Variants in UNC13C observed in about 807,000 individuals in gnomAD.
UNC13C encodes protein unc-13 homolog C.
In UNC13C, 174 loss-of-function variants were observed where a neutral mutation model predicts 245.4. That is an observed-to-expected ratio of 0.71 (90% confidence interval 0.63 to 0.80). The LOEUF is 0.80. Among genes scored for constraint, UNC13C ranks in the 30% least tolerant of loss-of-function variants. The pLI, the probability that UNC13C is intolerant of heterozygous loss-of-function variation, is 0.00. For missense variants in UNC13C, 2,829 were observed against 2,602.9 expected (o/e 1.09, Z -1.89); for synonymous variants, 992 against 895.1 (o/e 1.11, Z -1.93).
rs71105809 is a variant in UNC13C at position 54,454,565 on chromosome 15, TGGG to T, written c.4933+39501_4933+39503del. On this transcript the variant is annotated intron_variant, in intron 19 of 32. Coordinates refer to ENST00000260323, the MANE Select transcript of UNC13C (RefSeq NM_001080534.3). Reference sequence around the variant, plus strand: ...TATACTCCAGCCCAGGCAACAATAGTGGGGGAAAAAAAAAAAACAACAATAACT... The same window carrying T: ...TATACTCCAGCCCAGGCAACAATAGTGGAAAAAAAAAAAACAACAATAACT... 2.0e-4 allele frequency among the ~76,000 whole-genome samples: 20 copies of T among 100,084 alleles called. No homozygotes were observed. In the South Asian group the frequency reaches 5.9e-3, roughly 30 times the overall value. The allele number at this position is 100,084 out of a possible 152,430, so 65.7% of individuals were successfully genotyped here. A position where few individuals can be genotyped will look rare whatever the true frequency, so the allele number is the denominator to read the frequency against.
chr15:53,894,444 T>C, the UNC13C span, among the ~76,000 whole-genome samples: 956 of 152,310 alleles, frequency 6.3e-3, 12 homozygotes, highest in African/African-American at 0.022. Context: ...CTGATTACTA[T>C]AGAGAAAGTG....
At chr15:54,153,064 C>G (rs886202618) in intron 4 of UNC13C, among the ~76,000 whole-genome samples, 1 of 151,832 alleles carries the variant, frequency 6.6e-6, no homozygotes, top group Non-Finnish European at 1.5e-5. Flanking sequence ...CTGCTATAAG[C>G]TTGTAAATAA....
intron 19 of UNC13C, among the ~76,000 whole-genome samples, chr15:54,483,205 A>T (rs1893223121): frequency 2.0e-5 from 3 of 152,144 alleles, no homozygotes; most frequent in African/African-American, 7.2e-5. Flanking sequence ...TTTTAAATTA[A>T]ATTTATCTTC....
At chr15:54,590,683 C>T (rs546551347) in intron 30 of UNC13C, among the ~76,000 whole-genome samples, 3 of 152,234 alleles carry the variant, frequency 2.0e-5, no homozygotes, top group South Asian at 2.1e-4. Flanking sequence ...CAGTTGTATG[C>T]GCTTTCTGGA....
chr15:54,104,226 G>T (rs920440011), intron 2 of UNC13C, among the ~76,000 whole-genome samples: 2 of 152,114 alleles, frequency 1.3e-5, no homozygotes, highest in East Asian at 3.9e-4. Flanking sequence ...GTCCTTAAAC[G>T]ATGCCTGGAT....
intron 1 of UNC13C, among the ~76,000 whole-genome samples, chr15:54,000,300 G>A (rs949922784): frequency 2.0e-5 from 3 of 152,016 alleles, no homozygotes; most frequent in African/African-American, 7.2e-5. Flanking sequence ...GTGCCCTTAA[G>A]CAAGTCAAGT....
intron 4 of UNC13C, among the ~76,000 whole-genome samples, chr15:54,231,595 A>T (rs1369147110): frequency 6.6e-6 from 1 of 152,136 alleles, no homozygotes; most frequent in African/African-American, 2.4e-5. Context: ...TAAAGTGCTT[A>T]GAATAATAAG....
At chr15:54,562,685 C>T (rs1349235554) in intron 29 of UNC13C, among the ~76,000 whole-genome samples, 2 of 152,016 alleles carry the variant, frequency 1.3e-5, no homozygotes, top group Non-Finnish European at 2.9e-5. Flanking sequence ...TATTCTGTTC[C>T]CTTTTCTGTG....
At chr15:54,544,279 T>C (rs1896385154) in intron 26 of UNC13C, among the ~76,000 whole-genome samples, 2 of 152,136 alleles carry the variant, frequency 1.3e-5, no homozygotes, top group Admixed American at 1.3e-4. Context: ...ATAAAATAGG[T>C]ATTGATGGAA....
chr15:54,234,404 T>G (rs1297982742), intron 4 of UNC13C, among the ~76,000 whole-genome samples: 1 of 152,196 alleles, frequency 6.6e-6, no homozygotes, highest in Non-Finnish European at 1.5e-5. Flanking sequence ...ATGCTATTGA[T>G]GAACATGTAA....
At chr15:54,301,530 C>T (rs1410939835) in intron 13 of UNC13C, among the ~76,000 whole-genome samples, 3 of 152,088 alleles carry the variant, frequency 2.0e-5, no homozygotes, top group Non-Finnish European at 4.4e-5. Flanking sequence ...TGAGTGAGAA[C>T]ATGCAGTGTT....
At chr15:54,321,783 A>C (rs989762543) in intron 13 of UNC13C, among the ~76,000 whole-genome samples, 156 bp from the exon 14 acceptor site, 4 of 152,036 alleles carry the variant, frequency 2.6e-5, no homozygotes, top group African/African-American at 4.8e-5. Context: ...AATTTTCAGA[A>C]GGCCAAAATT....
intron 18 of UNC13C, among the ~76,000 whole-genome samples, chr15:54,408,094 G>C (rs922053678): frequency 6.6e-6 from 1 of 150,458 alleles, no homozygotes; most frequent in Non-Finnish European, 1.5e-5. Flanking sequence ...CCAGCTACTC[G>C]GGAGGCTGAG....
the UNC13C span, among the ~76,000 whole-genome samples, chr15:53,958,188 A>G: frequency 6.6e-6 from 1 of 152,160 alleles, no homozygotes; most frequent in South Asian, 2.1e-4. Context: ...CCCTACCTAT[A>G]CCAATGTTCA....
chr15:54,367,545 C>T (rs1044119978), intron 17 of UNC13C, among the ~76,000 whole-genome samples: 2 of 152,106 alleles, frequency 1.3e-5, no homozygotes, highest in Admixed American at 1.3e-4. Flanking sequence ...TTGCCCCTGT[C>T]CATACACAGT....
intron 14 of UNC13C, among the ~76,000 whole-genome samples, chr15:54,322,557 T>C (rs1267763783): frequency 6.6e-6 from 1 of 151,974 alleles, no homozygotes; most frequent in Non-Finnish European, 1.5e-5. Context: ...AAACATGGCA[T>C]GTGTTTAAGG....
At chr15:54,203,851 T>TAC (rs2034618592) in intron 4 of UNC13C, among the ~76,000 whole-genome samples, 2 of 100,690 alleles carry the variant, frequency 2.0e-5, no homozygotes, top group East Asian at 3.4e-4. Context: ...CATATACACG[T>TAC]ATATATACAT....
intron 14 of UNC13C, among the ~76,000 whole-genome samples, chr15:54,329,979 T>C (rs898275728): frequency 2.6e-5 from 4 of 152,052 alleles, no homozygotes; most frequent in African/African-American, 9.7e-5. Context: ...TCAGAGCTGG[T>C]ATAGCTGCTC....
intron 19 of UNC13C, among the ~76,000 whole-genome samples, chr15:54,459,750 G>A (rs760171195): frequency 2.6e-4 from 39 of 151,110 alleles, no homozygotes; most frequent in Non-Finnish European, 3.4e-4. Context: ...AGTTGTGCTC[G>A]TCTTTTCTTT....
Sources: allele counts gnomAD v4.1 joint callset (sites outside exome capture counted in the v4.1 genomes callset), GRCh38; gene constraint gnomAD v4.1.1; transcripts MANE v1.5; gene names NCBI Gene and HGNC (gene_info 2026-07-23, HGNC 2026-07-21).